Variants in PANK4 observed in about 807,000 individuals in gnomAD.
The protein encoded by PANK4 is 4'-phosphopantetheine phosphatase.
PANK4 carries 40 observed loss-of-function variants against 87.9 expected under a neutral mutation model. That is an observed-to-expected ratio of 0.46 (90% CI 0.35 to 0.59). The LOEUF (loss-of-function observed/expected upper bound fraction) is 0.59. Among genes scored for constraint, PANK4 ranks in the 20% least tolerant of loss-of-function variants. PANK4 has a pLI of 0.00. For synonymous variants in PANK4, 524 were observed against 467.4 expected (o/e 1.12, Z -1.56); for missense variants, 926 against 1,072.3 (o/e 0.86, Z 1.90).
At chr1:2,511,084 G>T (rs563113789) in intron 15 of PANK4, among the ~76,000 whole-genome samples, 1 of 152,140 alleles carries the variant, frequency 6.6e-6, no homozygotes, top group South Asian at 2.1e-4. Context: ...CGCCAGGGAC[G>T]GATTGGCCTG....
Position 2,521,293 on chromosome 1 carries a change from G to A in PANK4, c.230C>T (p.Pro77Leu), listed in dbSNP as rs747511902. The change falls in exon 3 of 19, where the codon CCG (proline) becomes CTG (leucine). Residue 77 changes from proline (P) to leucine (L), a missense_variant. By Grantham distance (98) the Pro-to-Leu change is moderately conservative (BLOSUM62 -3). Coordinates refer to ENST00000378466, the MANE Select transcript of PANK4 (RefSeq NM_018216.4). ...TTCTTGAACTGAAATCTCATAGGGCGGCTCATGTTCACGTTCTGTGTCCTG... is the reference window on the plus strand; with the variant it reads ...TTCTTGAACTGAAATCTCATAGGGCAGCTCATGTTCACGTTCTGTGTCCTG... ...SGKDTEREHEPPYEISVQEEI... is the reference protein window; with the variant it reads ...SGKDTEREHELPYEISVQEEI... The A allele has an allele frequency of 5.6e-6, 9 of 1,613,664 alleles. No individual in the cohort carries two copies. The highest frequency in any genetic ancestry group is 5.3e-5 in the African/African-American group (4 of 74,932).
chr1:2,518,056 C>G (rs571767306), intron 9 of PANK4, 108 bp downstream of exon 9: 18 of 620,414 alleles, frequency 2.9e-5, no homozygotes, highest in East Asian at 1.8e-4. Flanking sequence ...TGGGCAGAGG[C>G]GCCTTTCAGC....
chr1:2,524,137 C>T (rs1643900648), intron 1 of PANK4, among the ~76,000 whole-genome samples: 1 of 152,232 alleles, frequency 6.6e-6, no homozygotes, highest in South Asian at 2.1e-4. Context: ...CCGCAGAAAC[C>T]TAAAATCAGA....
At position 2,511,670 on chromosome 1, in the gene PANK4, C is replaced by T. The variant is rs764274059; in HGVS notation, c.1741G>A (p.Asp581Asn). Reference sequence around the variant, plus strand: ...GCTTCTTCAAACCCAAAGTAGGGGTCGGATTCAAGGACACTGCATGGAGGA... The same window carrying T: ...GCTTCTTCAAACCCAAAGTAGGGGTTGGATTCAAGGACACTGCATGGAGGA... ...AKAVSAVLES[D>N]PYFGFEEAKR... Residue 581 changes from aspartate (D) to asparagine (N), a missense_variant, in exon 14 of 19, where the codon GAC becomes AAC. Physicochemically the swap from Asp to Asn is conservative, Grantham distance 23. Coordinates refer to ENST00000378466, the MANE Select transcript of PANK4 (RefSeq NM_018216.4). 1.9e-5 allele frequency: 30 copies of T among 1,607,034 alleles called. No individual in the cohort carries two copies. In the South Asian group the frequency reaches 2.5e-4, roughly 14 times the overall value.
Position 2,519,712 on chromosome 1 carries a change from G to T in PANK4, c.853+89C>A. ...CCCGACTCTCCAGGGAGCAGTTGTG[G>T]GAAAGCAATGGTGGGGGAAGCTCCT... On this transcript the variant is annotated intron_variant, in intron 6 of 18. Coordinates refer to ENST00000378466, the MANE Select transcript of PANK4 (RefSeq NM_018216.4). The surrounding 1 kb of genome is among the most constrained non-coding windows in gnomAD (Gnocchi z 8.3). The T allele has an allele frequency of 7.4e-7, 1 of 1,345,900 alleles. No homozygotes were observed. Among genetic ancestry groups the T allele is most frequent in the Non-Finnish European group, 1.0e-6 (1 of 1,003,218 alleles). The allele number at this position is 1,345,900 out of a possible 1,614,324, so 83.4% of individuals were successfully genotyped here.
Position 2,510,162 on chromosome 1 carries a change from AG to A in PANK4, c.1939-6del. The A allele has an allele frequency of 6.3e-7, 1 of 1,580,144 alleles. No individual in the cohort carries two copies. Among genetic ancestry groups the A allele is most frequent in the Non-Finnish European group, 8.6e-7 (1 of 1,156,376 alleles). On this transcript the variant is annotated splice_polypyrimidine_tract_variant and splice_region_variant and intron_variant, in intron 16 of 18. Transcript: ENST00000378466. This position sits in a 1 kb window ranked among gnomAD's most constrained non-coding sequence, Gnocchi z 4.9. ...TGAGTTGCACGCCAGGATGACCTGC[AG>A]GAGGAGGGCCCAGGCTCTTTAGGAA...
Position 2,508,870 on chromosome 1 carries a change from T to TG in PANK4, c.2298dup (p.Lys767GlnfsTer44). ...CCTCACTCGGCTGGGACCTCGTACT[T>TG]GAAGATGACGCTGAAGAGCCGGCCG... On this transcript the variant is annotated frameshift_variant, in exon 19 of 19. Transcript: ENST00000378466. LOFTEE classifies it high-confidence loss of function. The surrounding 1 kb of genome is among the most constrained non-coding windows in gnomAD (Gnocchi z 5.1). 1 of 1,602,354 alleles carries TG rather than the reference T, an allele frequency of 6.2e-7. No individual in the cohort carries two copies. The highest frequency in any genetic ancestry group is 8.5e-7 in the Non-Finnish European group (1 of 1,173,518).
At chr1:2,523,212 C>T (rs1028711436) in intron 1 of PANK4, among the ~76,000 whole-genome samples, 5 of 152,188 alleles carry the variant, frequency 3.3e-5, no homozygotes, top group Admixed American at 6.5e-5. Context: ...GTCCAGGCCC[C>T]ACAACAGCCA....
At position 2,520,990 on chromosome 1, in the gene PANK4, C is replaced by T; in HGVS notation, c.423-84G>A. ...AAGCCTGCCTGGTCCGAAGGGGCAG[C>T]CATGCCCCATGCGCAATCTGACACA... On this transcript the variant is annotated intron_variant, in intron 3 of 18. Coordinates refer to ENST00000378466, the MANE Select transcript of PANK4 (RefSeq NM_018216.4). The surrounding 1 kb of genome is among the most constrained non-coding windows in gnomAD (Gnocchi z 6.2). The T allele has an allele frequency of 6.0e-6, 9 of 1,511,892 alleles. No homozygotes were observed. The highest frequency in any genetic ancestry group is 7.3e-6 in the Non-Finnish European group (8 of 1,102,098). The allele number at this position is 1,511,892 out of a possible 1,614,324, so 93.7% of individuals were successfully genotyped here.
rs1643763173 is a variant in PANK4 at position 2,515,908 on chromosome 1, T to C, written c.1219-191A>G. On this transcript the variant is annotated intron_variant, in intron 9 of 18. Coordinates refer to ENST00000378466, the MANE Select transcript of PANK4 (RefSeq NM_018216.4). This position sits in a 1 kb window ranked among gnomAD's most constrained non-coding sequence, Gnocchi z 5.0. ...GCGGCCTGAGCCGGATACCTTGACT[T>C]ACCCCCTGGTTTGACACTGGGGTTG... 1.6e-6 allele frequency: 1 copy of C among 620,954 alleles called. No individual in the cohort carries two copies. Among genetic ancestry groups the C allele is most frequent in the African/African-American group, 1.8e-5 (1 of 54,176 alleles). 38.5% of individuals were successfully genotyped at this position (620,954 alleles called of 1,614,324 possible). A position where few individuals can be genotyped will look rare whatever the true frequency, so the allele number is the denominator to read the frequency against.
intron 1 of PANK4, among the ~76,000 whole-genome samples, chr1:2,524,432 GGT>G (rs1450136837): frequency 1.3e-5 from 2 of 152,192 alleles, no homozygotes; most frequent in African/African-American, 4.8e-5. Flanking sequence ...ACAAACAAAA[GGT>G]CTCTCAGTAT....
chr1:2,511,352 G>A lies in PANK4; in HGVS notation c.1819C>T (p.Leu607Phe), dbSNP rs1263514506. ...PWLVDSYSEW[L>F]QRLKGPPHKC... ...CCTCCACATACCTTTAATCTCTGAA[G>A]CCACTCGCTGTAGGAATCCACGAGC... Residue 607 changes from leucine to phenylalanine, a missense_variant, in exon 15 of 19, where the codon CTT becomes TTT. Leu to Phe is a conservative substitution (Grantham distance 22). Transcript: ENST00000378466. 15 of 1,610,128 alleles carry A rather than the reference G, an allele frequency of 9.3e-6. No homozygotes were observed. The East Asian group carries it at 1.3e-4, about 14-fold the overall frequency.
chr1:2,508,871 G>C lies in PANK4; in HGVS notation c.2298C>G (p.Phe766Leu). 6.2e-7 allele frequency: 1 copy of C among 1,602,874 alleles called. No individual in the cohort carries two copies. Among genetic ancestry groups the C allele is most frequent in the Non-Finnish European group, 8.5e-7 (1 of 1,173,720 alleles). ...RLGGRLFSVI[F>L]KYEVPAE ...CTCACTCGGCTGGGACCTCGTACTT[G>C]AAGATGACGCTGAAGAGCCGGCCGC... is the stretch of plus-strand genomic sequence containing the variant. Residue 766 changes from phenylalanine (F) to leucine (L), a missense_variant, in exon 19 of 19, where the codon TTC (phenylalanine) becomes TTG (leucine). Phe to Leu is a conservative substitution (Grantham distance 22). Coordinates refer to ENST00000378466, the MANE Select transcript of PANK4 (RefSeq NM_018216.4). This position sits in a 1 kb window ranked among gnomAD's most constrained non-coding sequence, Gnocchi z 5.1.
In PANK4 at chr1:2,514,427, CCA is replaced by C. The variant is rs1643721571; in HGVS notation, c.1412_1413del (p.Val471GlyfsTer108). The C allele has an allele frequency of 6.2e-7, 1 of 1,612,126 alleles. No homozygotes were observed. Among genetic ancestry groups the C allele is most frequent in the Admixed American group, 1.7e-5 (1 of 60,008 alleles). On this transcript the variant is annotated frameshift_variant, in exon 11 of 19. Coordinates refer to ENST00000378466, the MANE Select transcript of PANK4 (RefSeq NM_018216.4). LOFTEE classifies it high-confidence loss of function. ...KRAVASQPDS[V>X]DAAERAEKFR... ...AACTTCTCCGCCCTCTCGGCTGCAT[CCA>C]CAGAGTCTGGCTGGCTCGCCACTGC...
At chr1:2,518,296 A>T (rs1399021213) in intron 8 of PANK4, 32 bp from the exon 9 acceptor site, 1 of 1,469,904 alleles carries the variant, frequency 6.8e-7, no homozygotes, top group Non-Finnish European at 9.5e-7. Context: ...CACTTGTGTT[A>T]ACCTTGCCCT....
Position 2,519,920 on chromosome 1 carries a change from C to T in PANK4, c.734G>A (p.Gly245Asp). The T allele has an allele frequency of 6.4e-7, 1 of 1,565,048 alleles. No homozygotes were observed. The highest frequency in any genetic ancestry group is 8.7e-7 in the Non-Finnish European group (1 of 1,154,484). The change falls in exon 6 of 19, where the codon GGC becomes GAC. Residue 245 changes from glycine (G) to aspartate (D), a missense_variant. Physicochemically the swap from Gly to Asp is moderately conservative, Grantham distance 94. Coordinates refer to ENST00000378466, the MANE Select transcript of PANK4 (RefSeq NM_018216.4). This position sits in a 1 kb window ranked among gnomAD's most constrained non-coding sequence, Gnocchi z 8.3. The part of the protein sequence containing the change: ...FDELLHLASR[G>D]QHSNVDMLVR... The stretch of plus-strand genomic sequence containing the variant: ...CAGCATGTCCACATTGCTGTGCTGG[C>T]CCCTCGAGGCCAGGTGCAGGAGCTC...
intron 1 of PANK4, among the ~76,000 whole-genome samples, chr1:2,523,139 A>G (rs1437347101): frequency 6.6e-6 from 1 of 152,238 alleles, no homozygotes; most frequent in Non-Finnish European, 1.5e-5. Flanking sequence ...CACTCAGGTC[A>G]GTAAAAAGAT....
chr1:2,526,544 C>A lies in PANK4; in HGVS notation c.44G>T (p.Ser15Ile), dbSNP rs1643927259. The change falls in exon 1 of 19, where the codon AGT (serine) becomes ATT (isoleucine). Residue 15 changes from serine to isoleucine, a missense_variant. By Grantham distance (142) the Ser-to-Ile change is moderately radical (BLOSUM62 -2). Transcript: ENST00000378466. ...GASGSGSSGD[S>I]LDKSITLPPD... ...GGGCAGCGTGATGCTCTTGTCCAGACTGTCCCCGCTGCTCCCGCTGCCGCT... is the reference window on the plus strand; with the variant it reads ...GGGCAGCGTGATGCTCTTGTCCAGAATGTCCCCGCTGCTCCCGCTGCCGCT... The A allele has an allele frequency of 6.2e-7, 1 of 1,601,796 alleles. No homozygotes were observed.
chr1:2,522,709 A>T (rs12757829), intron 1 of PANK4, among the ~76,000 whole-genome samples: 1 of 5,222 alleles, frequency 1.9e-4, no homozygotes, highest in African/African-American at 6.7e-4. Flanking sequence ...GTGACTTAAC[A>T]GAGGGCACTG....
Sources: gnomAD v4.1 joint callset for allele counts (sites outside exome capture counted in the v4.1 genomes callset) on GRCh38, gnomAD v4.1.1 for gene constraint, Gnocchi (gnomAD v3.1) non-coding constraint, MANE v1.5 for transcripts, NCBI Gene and HGNC (gene_info 2026-07-23, HGNC 2026-07-21) for gene names.